Variants in PSME3 observed in about 807,000 individuals in gnomAD.
The protein encoded by PSME3 is proteasome activator subunit 3.
In PSME3, 7 loss-of-function variants were observed where a neutral mutation model predicts 38.3. The observed-to-expected ratio is 0.18, with a 90% CI of 0.10 to 0.34. The LOEUF is 0.34. Ranked by LOEUF, PSME3 falls within the 10% of genes least tolerant of loss-of-function variation. The pLI is 1.00. For missense variants in PSME3, 192 were observed against 307.6 expected, an observed-to-expected ratio of 0.62 and a Z score of 2.81; for synonymous variants, 108 against 105.7, an observed-to-expected ratio of 1.02 and a Z score of -0.13.
intron 1 of PSME3, chr17:42,833,903 A>G: frequency 6.9e-7 from 1 of 1,450,994 alleles, no homozygotes; most frequent in Middle Eastern, 1.8e-4. Flanking sequence ...CTCCGCGGAC[A>G]CGTGTTGGAC....
At position 42,833,503 on chromosome 17, in the gene PSME3, G is replaced by A. The variant is rs2055423228; in HGVS notation, c.-129G>A. 8.8e-7 allele frequency: 1 copy of A among 1,135,356 alleles called. No individual in the cohort carries two copies. The highest frequency in any genetic ancestry group is 1.3e-6 in the Non-Finnish European group (1 of 773,496). The allele number at this position is 1,135,356 out of a possible 1,614,324, so 70.3% of individuals were successfully genotyped here. On this transcript the variant is annotated 5_prime_UTR_variant, in exon 1 of 11. Transcript: ENST00000590720. ...CGGCACAGAGGGAGGGAGCGAGCGA[G>A]CAGTGAGTAAGCCAGCAAGGGCGGT...
rs745853283 is a variant in PSME3 at position 42,842,397 on chromosome 17, C to G, written c.*819C>G. Reference sequence around the variant, plus strand: ...TCCTGATACTGTAGCCTCTTGGTACCCAGGGTGAGTTGGTGGAGAACAGAG... The same window carrying G: ...TCCTGATACTGTAGCCTCTTGGTACGCAGGGTGAGTTGGTGGAGAACAGAG... On this transcript the variant is annotated 3_prime_UTR_variant, in exon 11 of 11. Transcript: ENST00000590720. The G allele has an allele frequency of 6.5e-6, 1 of 152,776 alleles. No individual in the cohort carries two copies. The highest frequency in any genetic ancestry group is 1.5e-5 in the Non-Finnish European group (1 of 68,054). The allele number at this position is 152,776 out of a possible 1,614,324, so 9.5% of individuals were successfully genotyped here. A position where few individuals can be genotyped will look rare whatever the true frequency, so the allele number is the denominator to read the frequency against.
At position 42,833,490 on chromosome 17, in the gene PSME3, A is replaced by C; in HGVS notation, c.-142A>C. On this transcript the variant is annotated 5_prime_UTR_variant, in exon 1 of 11. Transcript: ENST00000590720. ...GCGGGCGGGCGGACGGCACAGAGGGAGGGAGCGAGCGAGCAGTGAGTAAGC... is the reference window on the plus strand; with the variant it reads ...GCGGGCGGGCGGACGGCACAGAGGGCGGGAGCGAGCGAGCAGTGAGTAAGC... 1.0e-6 allele frequency: 1 copy of C among 989,444 alleles called. No individual in the cohort carries two copies. The allele number at this position is 989,444 out of a possible 1,614,324, so 61.3% of individuals were successfully genotyped here. A position where few individuals can be genotyped will look rare whatever the true frequency, so the allele number is the denominator to read the frequency against.
At chr17:42,839,200 T>C in intron 9 of PSME3, 34 bp downstream of exon 9, 1 of 1,563,700 alleles carries the variant, frequency 6.4e-7, no homozygotes, top group Non-Finnish European at 8.8e-7. Flanking sequence ...AGGGTGGAGG[T>C]GGCAGGATAG....
rs2055559810 is a variant in PSME3, at chr17:42,843,526, T to A, written c.*1948T>A. ...TTTCAGAAGATCCTAGTTCCTTCCT[T>A]CCCGAGTGATACCCATGAACTGCCA... On this transcript the variant is annotated 3_prime_UTR_variant, in exon 11 of 11. Transcript: ENST00000590720. The A allele has an allele frequency of 6.6e-6, 1 of 152,352 alleles. No individual in the cohort carries two copies. The highest frequency in any genetic ancestry group is 2.4e-5 in the African/African-American group (1 of 41,440). 9.4% of individuals were successfully genotyped at this position (152,352 alleles called of 1,614,324 possible).
At position 42,833,567 on chromosome 17, in the gene PSME3, G is replaced by A. The variant is rs1257173120; in HGVS notation, c.-65G>A. ...CAGCCGAGATTTCTCAGGTCCCTCCGGCCCCCTCCCTGGAGTCCACAGCGC... is the reference window on the plus strand; with the variant it reads ...CAGCCGAGATTTCTCAGGTCCCTCCAGCCCCCTCCCTGGAGTCCACAGCGC... On this transcript the variant is annotated 5_prime_UTR_variant, in exon 1 of 11. Transcript: ENST00000590720. 7 of 1,605,678 alleles carry A rather than the reference G, an allele frequency of 4.4e-6. No individual in the cohort carries two copies. Among genetic ancestry groups the A allele is most frequent in the Non-Finnish European group, 6.0e-6 (7 of 1,173,310 alleles).
At chr17:42,834,030 T>G (rs1597951255) in intron 1 of PSME3, 1 of 1,437,254 alleles carries the variant, frequency 7.0e-7, no homozygotes, top group African/African-American at 1.4e-5. Flanking sequence ...TGGGTGGGGG[T>G]TGGCACGTTT....
chr17:42,839,355 T>A lies in PSME3; in HGVS notation c.659T>A (p.Ile220Asn). ...DEKEYISLRL[I>N]ISELRNQYVT... is the part of the protein sequence containing the mutation. The stretch of plus-strand genomic sequence containing the variant: ...AAAGAATATATCAGCCTTCGGCTCA[T>A]CATATCAGAGCTGAGGAATCAATAT... The change falls in exon 10 of 11, where the codon ATC becomes AAC. Residue 220 changes from isoleucine to asparagine, a missense_variant. Around this residue, in one of 2 missense-constraint regions of PSME3, gnomAD observed 82 missense variants for 168.2 expected, o/e 0.49. Transcript: ENST00000590720. 1 of 1,612,080 alleles carries A rather than the reference T, an allele frequency of 6.2e-7. No individual in the cohort carries two copies. The highest frequency in any genetic ancestry group is 8.5e-7 in the Non-Finnish European group (1 of 1,178,540).
At chr17:42,833,732 G>A (rs528219304) in intron 1 of PSME3, 59 bp downstream of exon 1, 20 of 1,614,088 alleles carry the variant, frequency 1.2e-5, no homozygotes, top group Non-Finnish European at 1.7e-5. Flanking sequence ...AGTCTGACCG[G>A]CTTCCTACTC....
intron 1 of PSME3, chr17:42,834,040 T>G: frequency 6.9e-7 from 1 of 1,441,004 alleles, no homozygotes; most frequent in Non-Finnish European, 9.0e-7. Flanking sequence ...TTGGCACGTT[T>G]GTGAGCTCAC....
At chr17:42,836,755 T>G (rs567868643) in intron 4 of PSME3, among the ~76,000 whole-genome samples, 9 of 152,234 alleles carry the variant, frequency 5.9e-5, no homozygotes, top group Admixed American at 3.3e-4. Context: ...GGAGACAGGG[T>G]TTCCCTATGT....
chr17:42,833,702 C>T (rs750253474), intron 1 of PSME3, 29 bp downstream of exon 1: 3 of 1,614,220 alleles, frequency 1.9e-6, no homozygotes, highest in South Asian at 1.1e-5. Context: ...CCTTTTTGCC[C>T]CTCGCTTTGA....
chr17:42,837,683 A>G lies in PSME3; in HGVS notation c.278A>G (p.Glu93Gly). 1 of 1,613,850 alleles carries G rather than the reference A, an allele frequency of 6.2e-7. No homozygotes were observed. The highest frequency in any genetic ancestry group is 8.5e-7 in the Non-Finnish European group (1 of 1,179,990). ...AAGAAGCGAAGGTTGGATGAGTGTG[A>G]AGAAGCCTTCCAAGGTAAGAGGCAC... is the stretch of plus-strand genomic sequence containing the variant. ...TYKKRRLDEC[E>G]EAFQGTKVFV... is the part of the protein sequence containing the mutation. The change falls in exon 5 of 11, where the codon GAA (glutamate) becomes GGA (glycine). Residue 93 changes from glutamate (E) to glycine (G), a missense_variant. By Grantham distance (98) the Glu-to-Gly change is moderately conservative (BLOSUM62 -2). Transcript: ENST00000590720.
intron 1 of PSME3, 132 bp downstream of exon 1, chr17:42,833,805 C>G: frequency 6.3e-7 from 1 of 1,583,572 alleles, no homozygotes; most frequent in Non-Finnish European, 8.6e-7. Flanking sequence ...TCAGCCCAGC[C>G]CCCAACTCCC....
At chr17:42,838,855 C>A in intron 7 of PSME3, 56 bp downstream of exon 7, 1 of 1,578,884 alleles carries the variant, frequency 6.3e-7, no homozygotes, top group East Asian at 2.2e-5. Context: ...CTCTCATCTC[C>A]CCTGCGTTAC....
chr17:42,841,566 G>T lies in PSME3; in HGVS notation c.753G>T (p.Glu251Asp). The T allele has an allele frequency of 6.2e-7, 1 of 1,606,860 alleles. No homozygotes were observed. The highest frequency in any genetic ancestry group is 2.2e-5 in the East Asian group (1 of 44,518). Residue 251 changes from glutamate (E) to aspartate (D), a missense_variant, in exon 11 of 11, where the codon GAG becomes GAT. By Grantham distance (45) the Glu-to-Asp change is conservative. This residue lies in a region of PSME3 where 82 missense variants were observed against 168.2 expected (regional missense o/e 0.49). Coordinates refer to ENST00000590720, the MANE Select transcript of PSME3 (RefSeq NM_005789.4). ...AACGGCCCCGGAGCAGCAATGCAGA[G>T]ACTCTGTACTGAGGCCAGGGCCAGG... ...KIKRPRSSNA[E>D]TLY
At chr17:42,834,961 G>C (rs894239107) in intron 4 of PSME3, 85 bp downstream of exon 4, 10 of 1,560,558 alleles carry the variant, frequency 6.4e-6, no homozygotes, top group Non-Finnish European at 8.7e-6. Flanking sequence ...TGTACAGAGG[G>C]AACAGTGGGA....
chr17:42,839,793 T>C (rs2055508474), intron 10 of PSME3, among the ~76,000 whole-genome samples: 1 of 152,148 alleles, frequency 6.6e-6, no homozygotes, highest in South Asian at 2.1e-4. Flanking sequence ...GGTCAGGAGT[T>C]CGAGACCAGC....
intron 1 of PSME3, 179 bp downstream of exon 1, chr17:42,833,852 C>A (rs2055429267): frequency 1.3e-6 from 2 of 1,505,794 alleles, no homozygotes; most frequent in South Asian, 1.3e-5. Flanking sequence ...TATAGGATGG[C>A]TTTCTGTACC....
Sources: gnomAD v4.1 joint callset for allele counts (sites outside exome capture counted in the v4.1 genomes callset) on GRCh38, gnomAD v4.1.1 for gene constraint, gnomAD v4.1.1 regional missense constraint, MANE v1.5 for transcripts, NCBI Gene and HGNC (gene_info 2026-07-23, HGNC 2026-07-21) for gene names.